Variants in TREH observed in about 807,000 individuals in gnomAD.
TREH encodes the protein alpha,alpha-trehalose glucohydrolase.
In TREH, 69 loss-of-function variants were observed where a neutral mutation model predicts 80.5. The ratio of observed to expected loss-of-function variants is 0.86; its 90% confidence interval spans 0.71 to 1.05. The LOEUF is 1.05. Ranked by LOEUF, TREH falls within the 50% of genes least tolerant of loss-of-function variation. TREH has a pLI of 0.00. For missense variants in TREH, 716 were observed against 718.8 expected (o/e 1.00, Z 0.04); for synonymous variants, 309 against 293.5 (o/e 1.05, Z -0.54).
At position 118,658,042 on chromosome 11, in the gene TREH, C is replaced by T. The variant is rs141123299; in HGVS notation, c.*247G>A. ...TGGACTACGGAAGTGAGTGGAAGGCCGGTGTGGGGCTTGGCGCTGAGGCAC... is the reference window on the plus strand; with the variant it reads ...TGGACTACGGAAGTGAGTGGAAGGCTGGTGTGGGGCTTGGCGCTGAGGCAC... On this transcript the variant is annotated 3_prime_UTR_variant, in exon 15 of 15. Transcript: ENST00000264029. 1.9e-3 allele frequency: 1,033 copies of T among 544,974 alleles called. 11 individuals carry two copies. Among genetic ancestry groups the T allele is most frequent in the African/African-American group, 0.016 (869 of 53,390 alleles). 33.8% of individuals were successfully genotyped at this position (544,974 alleles called of 1,614,324 possible).
intron 1 of TREH, among the ~76,000 whole-genome samples, chr11:118,667,122 T>A (rs1949384947): frequency 6.6e-6 from 1 of 152,096 alleles, no homozygotes; most frequent in Admixed American, 6.6e-5. Context: ...CCTCAGGTGA[T>A]CCGCCCGTCT....
intron 1 of TREH, among the ~76,000 whole-genome samples, chr11:118,671,764 C>G (rs1949431930): frequency 6.6e-6 from 1 of 151,938 alleles, no homozygotes; most frequent in Non-Finnish European, 1.5e-5. Flanking sequence ...AACTAAAAGT[C>G]AAGGACAAAG....
At chr11:118,673,782 A>T (rs1339286320) in intron 1 of TREH, among the ~76,000 whole-genome samples, 10 of 152,214 alleles carry the variant, frequency 6.6e-5, no homozygotes, top group African/African-American at 1.9e-4. Flanking sequence ...GTTAGTAAAA[A>T]CCTAAACAGT....
Position 118,658,346 on chromosome 11 carries a change from G to A in TREH, c.1695C>T (p.Pro565=). 1.2e-6 allele frequency: 2 copies of A among 1,600,338 alleles called. No individual in the cohort carries two copies. Among genetic ancestry groups the A allele is most frequent in the Non-Finnish European group, 1.7e-6 (2 of 1,174,336 alleles). Residue 565 remains proline (P), a synonymous_variant, in exon 15 of 15, where the codon CCC becomes CCT. Transcript: ENST00000264029. ...TSGAKLAFLE[P]HCLAATLLPS... ...GCAGAAGGGTGGCCGCCAGGCAGTGGGGCTCCAGGAAAGCCAGCTTGGCCC... is the reference window on the plus strand; with the variant it reads ...GCAGAAGGGTGGCCGCCAGGCAGTGAGGCTCCAGGAAAGCCAGCTTGGCCC...
chr11:118,668,711 A>C (rs564096592), intron 1 of TREH, among the ~76,000 whole-genome samples: 1 of 152,186 alleles, frequency 6.6e-6, no homozygotes, highest in South Asian at 2.1e-4. Context: ...AGGCCAAGGC[A>C]GGCGGATCAC....
Position 118,659,880 on chromosome 11 carries a change from G to T in TREH, c.1187C>A (p.Thr396Asn). The T allele has an allele frequency of 6.4e-7, 1 of 1,552,056 alleles. No individual in the cohort carries two copies. Among genetic ancestry groups the T allele is most frequent in the South Asian group, 1.2e-5 (1 of 84,074 alleles). The change falls in exon 11 of 15, where the codon ACC (threonine) becomes AAC (asparagine). Residue 396 changes from threonine (T) to asparagine (N), a missense_variant. Physicochemically the swap from Thr to Asn is moderately conservative, Grantham distance 65. Transcript: ENST00000264029. ...ALNTVLWDEQ[T>N]GAWFDYDLEK... ...AAGGTCGTAATCGAACCAGGCTCCG[G>T]TCTGCTCATCCCACAGGACTGTGTT...
intron 12 of TREH, 102 bp from the exon 13 acceptor site, chr11:118,659,119 C>T: frequency 1.6e-6 from 2 of 1,252,650 alleles, no homozygotes; most frequent in Middle Eastern, 2.4e-4. Flanking sequence ...GGCCTGGGCC[C>T]TAAGACTTCC....
In TREH at chr11:118,661,288, G is replaced by A; in HGVS notation, c.735-6C>T. 2 of 1,614,034 alleles carry A rather than the reference G, an allele frequency of 1.2e-6. No homozygotes were observed. The highest frequency in any genetic ancestry group is 2.2e-5 in the South Asian group (2 of 91,080). On this transcript the variant is annotated splice_polypyrimidine_tract_variant and splice_region_variant and intron_variant, in intron 7 of 14. Transcript: ENST00000264029. This position sits in a 1 kb window ranked among gnomAD's most constrained non-coding sequence, Gnocchi z 4.2. ...CTAGTGTTTCAATGTTTTCCCTGGA[G>A]TGAAGCAGACAACACCTCAGCCCAG...
rs1196067834 is a variant in TREH, at chr11:118,660,513, T to C, written c.1102+26A>G. The stretch of plus-strand genomic sequence containing the variant: ...CTGAGCAGGAAACCAAGCTCCCTGC[T>C]TTCCCTTCCCTACTGGGGTGCTCAC... On this transcript the variant is annotated intron_variant, in intron 10 of 14. Coordinates refer to ENST00000264029, the MANE Select transcript of TREH (RefSeq NM_007180.3). The C allele has an allele frequency of 1.0e-5, 16 of 1,562,074 alleles. No individual in the cohort carries two copies. In the Admixed American group the frequency reaches 2.9e-4, roughly 28 times the overall value.
chr11:118,674,685 G>A lies in TREH; in HGVS notation c.89+4854C>T, dbSNP rs1452106079. Reference sequence around the variant, plus strand: ...AGCCTCCTGAGTAGATGGGATTACAGGTGCGCACCACCACACCCGGCTAAT... The same window carrying A: ...AGCCTCCTGAGTAGATGGGATTACAAGTGCGCACCACCACACCCGGCTAAT... On this transcript the variant is annotated intron_variant, in intron 1 of 14. Transcript: ENST00000264029. This position sits in a 1 kb window ranked among gnomAD's most constrained non-coding sequence, Gnocchi z 4.4. Among the ~76,000 whole-genome samples, 2 of 152,150 alleles carry A rather than the reference G, an allele frequency of 1.3e-5. No individual in the cohort carries two copies. The highest frequency in any genetic ancestry group is 6.5e-5 in the Admixed American group (1 of 15,272).
rs1555143646 is a variant in TREH, at chr11:118,658,290, C to A, written c.1751G>T (p.Ter584LeuextTer61). The A allele has an allele frequency of 6.3e-7, 1 of 1,584,784 alleles. No individual in the cohort carries two copies. The highest frequency in any genetic ancestry group is 1.8e-5 in the Admixed American group (1 of 54,748). The part of the protein sequence containing the change: ...PSLLLSLLPW[*>L] ...GGCCAGGTGAGGAGAGGAGGGCTGTCACCATGGCAGGAGGCTGAGCAGGAG... is the reference window on the plus strand; with the variant it reads ...GGCCAGGTGAGGAGAGGAGGGCTGTAACCATGGCAGGAGGCTGAGCAGGAG... The change falls in exon 15 of 15, where the codon TGA becomes TTA. Residue 584 changes from the stop codon to leucine, a stop_lost. Transcript: ENST00000264029.
In TREH at chr11:118,659,761, G is replaced by C; in HGVS notation, c.1306C>G (p.Leu436Val). The change falls in exon 11 of 15, where the codon CTG becomes GTG. Residue 436 changes from leucine (L) to valine (V), a missense_variant. Transcript: ENST00000264029. ...FSDPGVADKA[L>V]KYLEDNRILT... ...TGTGCCCTCACCTCCAGGTATTTCA[G>C]AGCCTTGTCCGCCACGCCAGGGTCA... The C allele has an allele frequency of 1.3e-6, 2 of 1,577,772 alleles. No individual in the cohort carries two copies. The highest frequency in any genetic ancestry group is 8.6e-7 in the Non-Finnish European group (1 of 1,161,198).
chr11:118,676,450 G>A (rs1480487285), intron 1 of TREH, among the ~76,000 whole-genome samples: 1 of 152,060 alleles, frequency 6.6e-6, no homozygotes, highest in Non-Finnish European at 1.5e-5. Flanking sequence ...CTCCAGCCTG[G>A]GTGACAGAGT....
intron 11 of TREH, 27 bp downstream of exon 11, chr11:118,659,720 G>T: frequency 6.4e-7 from 1 of 1,555,356 alleles, no homozygotes; most frequent in Non-Finnish European, 8.7e-7. Context: ...GCCTGCAGTG[G>T]ACCCGAGCCA....
chr11:118,660,830 C>T (rs1555144792), intron 9 of TREH, 36 bp downstream of exon 9: 1 of 1,556,564 alleles, frequency 6.4e-7, no homozygotes, highest in African/African-American at 1.4e-5. Flanking sequence ...TGCAGCTGCC[C>T]TGCCCCCAGC....
At chr11:118,672,781 C>G (rs1591836590) in intron 1 of TREH, among the ~76,000 whole-genome samples, 1 of 147,636 alleles carries the variant, frequency 6.8e-6, no homozygotes, top group Non-Finnish European at 1.5e-5. Flanking sequence ...AGTAAGCACA[C>G]AGAAAAAACA....
In TREH at chr11:118,659,368, A is replaced by G. The variant is rs528258475; in HGVS notation, c.1432+2T>C. 1.2e-5 allele frequency: 18 copies of G among 1,560,284 alleles called. No individual in the cohort carries two copies. The highest frequency in any genetic ancestry group is 1.4e-5 in the Non-Finnish European group (16 of 1,151,822). ...TTGGCTGTGTCAGCCCTGCCTCCCT[A>G]CCTCTGATGACCAGGTCCTGCAGGG... On this transcript the variant is annotated splice_donor_variant, in intron 12 of 14. Coordinates refer to ENST00000264029, the MANE Select transcript of TREH (RefSeq NM_007180.3). LOFTEE classifies it high-confidence loss of function.
chr11:118,659,564 A>T lies in TREH; in HGVS notation c.1321-83T>A, dbSNP rs1452338126. 4.3e-6 allele frequency: 6 copies of T among 1,383,174 alleles called. No individual in the cohort carries two copies. In the Admixed American group the frequency reaches 1.3e-4, roughly 30 times the overall value. 85.7% of individuals were successfully genotyped at this position (1,383,174 alleles called of 1,614,324 possible). ...AGGACGCTGGACCCCGCGGGAAGCC[A>T]GACGTCCCCTTCCTGGCTCTTCTTT... On this transcript the variant is annotated intron_variant, in intron 11 of 14. Transcript: ENST00000264029.
Position 118,661,243 on chromosome 11 carries a change from C to T in TREH, c.774G>A (p.Trp258Ter). 6.2e-7 allele frequency: 1 copy of T among 1,613,910 alleles called. No individual in the cohort carries two copies. The highest frequency in any genetic ancestry group is 1.7e-5 in the Admixed American group (1 of 60,018). Residue 258 changes from tryptophan (W) to a stop codon, truncating the protein, a stop_gained, in exon 8 of 15, where the codon TGG becomes TGA. Transcript: ENST00000264029. LOFTEE classifies it high-confidence loss of function. The surrounding 1 kb of genome is among the most constrained non-coding windows in gnomAD (Gnocchi z 4.2). ...TCACAGAGACAGTCCTGTTCTTGGT[C>T]CAAAAGTCCAATTCCAAGGCTAGTG... ...IETLALELDF[W>*]TKNRTVSVSL...
Sources: gnomAD v4.1 joint callset for allele counts (sites outside exome capture counted in the v4.1 genomes callset) on GRCh38, gnomAD v4.1.1 for gene constraint, Gnocchi (gnomAD v3.1) non-coding constraint, MANE v1.5 for transcripts, NCBI Gene and HGNC (gene_info 2026-07-23, HGNC 2026-07-21) for gene names.